Variants in SNX17 observed in about 807,000 individuals in gnomAD.
SNX17 encodes the protein sorting nexin-17.
Under a neutral mutation model 64.3 loss-of-function variants are expected in SNX17, and 35 were observed. The ratio of observed to expected loss-of-function variants is 0.54; its 90% CI spans 0.42 to 0.72. The LOEUF (loss-of-function observed/expected upper bound fraction) is 0.72, where lower values mean the gene tolerates loss of function less well. Ranked by LOEUF, SNX17 falls within the 30% of genes least tolerant of loss-of-function variation. The pLI is 0.00. For missense variants in SNX17, 538 were observed against 610.0 expected (o/e 0.88, Z 1.24); for synonymous variants, 259 against 230.2 (o/e 1.13, Z -1.13).
At chr2:27,372,251 A>G (rs573423058) in intron 2 of SNX17, among the ~76,000 whole-genome samples, 1 of 152,340 alleles carries the variant, frequency 6.6e-6, no homozygotes, top group East Asian at 1.9e-4. Flanking sequence ...TTTAAGTCCT[A>G]AGATATTTTG....
At chr2:27,373,109 G>A in intron 3 of SNX17, 138 bp from the exon 4 acceptor site, 2 of 1,578,486 alleles carry the variant, frequency 1.3e-6, no homozygotes, top group South Asian at 2.3e-5. Context: ...CAAACAGTGA[G>A]TGAGGTGAGG....
Position 27,376,377 on chromosome 2 carries a change from C to G in SNX17, c.1247C>G (p.Pro416Arg). 6.2e-7 allele frequency: 1 copy of G among 1,613,856 alleles called. No homozygotes were observed. The highest frequency in any genetic ancestry group is 8.5e-7 in the Non-Finnish European group (1 of 1,179,862). The change falls in exon 13 of 15, where the codon CCA becomes CGA. Residue 416 changes from proline (P) to arginine (R), a missense_variant. Transcript: ENST00000233575. ...GACAGCCAGCAAGCAGTGAAGTCCC[C>G]ACCACTGCTTGTAAGTATTACCTCC... ...RSDSQQAVKSPPLLESPDATR... is the reference protein window; with the variant it reads ...RSDSQQAVKSRPLLESPDATR...
chr2:27,371,462 C>G, intron 2 of SNX17, 119 bp downstream of exon 2: 1 of 1,442,714 alleles, frequency 6.9e-7, no homozygotes, highest in South Asian at 1.4e-5. Flanking sequence ...TTAATCACTG[C>G]CACAGGGTAG....
At chr2:27,372,091 C>T (rs949892506) in intron 2 of SNX17, among the ~76,000 whole-genome samples, 10 of 152,146 alleles carry the variant, frequency 6.6e-5, no homozygotes, top group African/African-American at 2.2e-4. Context: ...ACTATGTTGG[C>T]CAGGCTGGTC....
At position 27,370,657 on chromosome 2, in the gene SNX17, G is replaced by T; in HGVS notation, c.-87G>T. 6.8e-7 allele frequency: 1 copy of T among 1,472,582 alleles called. No individual in the cohort carries two copies. The allele number at this position is 1,472,582 out of a possible 1,614,324, so 91.2% of individuals were successfully genotyped here. On this transcript the variant is annotated 5_prime_UTR_variant, in exon 1 of 15. Transcript: ENST00000233575. ...TCCCAAAATGGCGAGTGAGGCTGCG[G>T]GGACTCGCTGAGCAGCGGAGGGGGA...
At chr2:27,374,892 A>C in intron 8 of SNX17, 134 bp downstream of exon 8, 1 of 978,244 alleles carries the variant, frequency 1.0e-6, no homozygotes, top group South Asian at 1.4e-5. Flanking sequence ...TGCTGCTGGC[A>C]CAATATCTAC....
chr2:27,375,859 G>A lies in SNX17; in HGVS notation c.992G>A (p.Ser331Asn), dbSNP rs775379514. 4 of 1,614,000 alleles carry A rather than the reference G, an allele frequency of 2.5e-6. No homozygotes were observed. In the African/African-American group the frequency reaches 5.3e-5, roughly 22 times the overall value. ...TTCCTCTCCCAGGTACCATTGCCCA[G>A]TGGAAGCACGAGCAGCCCAGGCCGG... ...WRVTSSVPLPSGSTSSPGRGR... is the reference protein window; with the variant it reads ...WRVTSSVPLPNGSTSSPGRGR... The change falls in exon 11 of 15, where the codon AGT becomes AAT. Residue 331 changes from serine (S) to asparagine (N), a missense_variant. Ser to Asn is a conservative substitution (Grantham distance 46). Coordinates refer to ENST00000233575, the MANE Select transcript of SNX17 (RefSeq NM_014748.4). The surrounding 1 kb of genome is among the most constrained non-coding windows in gnomAD (Gnocchi z 4.1).
chr2:27,375,273 G>A lies in SNX17; in HGVS notation c.774+120G>A. ...CCCGCCTCAGCCTCCCGAGTAGCTG[G>A]GACTACAGGCACCCGCCACGACGCC... On this transcript the variant is annotated intron_variant, in intron 9 of 14. Transcript: ENST00000233575. The surrounding 1 kb of genome is among the most constrained non-coding windows in gnomAD (Gnocchi z 4.1). 2 of 988,434 alleles carry A rather than the reference G, an allele frequency of 2.0e-6. No homozygotes were observed. The highest frequency in any genetic ancestry group is 3.0e-6 in the Non-Finnish European group (2 of 666,018). 61.2% of individuals were successfully genotyped at this position (988,434 alleles called of 1,614,324 possible). A position where few individuals can be genotyped will look rare whatever the true frequency, so the allele number is the denominator to read the frequency against.
intron 1 of SNX17, 54 bp from the exon 2 acceptor site, chr2:27,371,215 G>A: frequency 6.6e-7 from 1 of 1,524,950 alleles, no homozygotes; most frequent in Non-Finnish European, 9.1e-7. Flanking sequence ...AGGGTTCTCA[G>A]GGGGGTTGCG....
At chr2:27,371,107 G>A (rs1187656419) in intron 1 of SNX17, among the ~76,000 whole-genome samples, 162 bp from the exon 2 acceptor site, 2 of 152,250 alleles carry the variant, frequency 1.3e-5, no homozygotes, top group Non-Finnish European at 2.9e-5. Context: ...CCCCGGACTG[G>A]CTCTTCAGCT....
In SNX17 at chr2:27,376,166, G is replaced by A; in HGVS notation, c.1165G>A (p.Gly389Ser). Residue 389 changes from glycine to serine, a missense_variant, in exon 12 of 15, where the codon GGC (glycine) becomes AGC (serine). Coordinates refer to ENST00000233575, the MANE Select transcript of SNX17 (RefSeq NM_014748.4). ...TGATGAACTGATGGTGAAGAAATCTGGCGGCAGTATCAGGAAGGTAGGCAG... is the reference window on the plus strand; with the variant it reads ...TGATGAACTGATGGTGAAGAAATCTAGCGGCAGTATCAGGAAGGTAGGCAG... ...MVDELMVKKS[G>S]GSIRKMLRRR... 1.9e-6 allele frequency: 3 copies of A among 1,614,152 alleles called. No homozygotes were observed. The highest frequency in any genetic ancestry group is 2.5e-6 in the Non-Finnish European group (3 of 1,180,022).
chr2:27,370,794 C>T lies in SNX17; in HGVS notation c.51C>T (p.Gly17=), dbSNP rs1464583177. ...ETESRSGDSG[G]SAYVAYNIHV... is the part of the protein sequence containing the mutation. The stretch of plus-strand genomic sequence containing the variant: ...AGTCCCGCAGCGGGGACAGCGGCGG[C>T]TCCGCCTACGTGGTGAGGAGCGGCC... Residue 17 remains glycine (G), a synonymous_variant, in exon 1 of 15, where the codon GGC becomes GGT. Coordinates refer to ENST00000233575, the MANE Select transcript of SNX17 (RefSeq NM_014748.4). 2 of 1,545,188 alleles carry T rather than the reference C, an allele frequency of 1.3e-6. No individual in the cohort carries two copies. Among genetic ancestry groups the T allele is most frequent in the East Asian group, 2.4e-5 (1 of 40,918 alleles).
rs769049398 is a variant in SNX17 at position 27,375,691 on chromosome 2, C to T, written c.960C>T (p.Cys320=). 4 of 1,614,054 alleles carry T rather than the reference C, an allele frequency of 2.5e-6. No individual in the cohort carries two copies. The highest frequency in any genetic ancestry group is 3.3e-5 in the Admixed American group (2 of 60,018). Residue 320 remains cysteine, a synonymous_variant, in exon 10 of 15, where the codon TGC becomes TGT. Transcript: ENST00000233575. The surrounding 1 kb of genome is among the most constrained non-coding windows in gnomAD (Gnocchi z 4.1). The part of the protein sequence containing the change: ...EGSFRVTRMR[C]WRVTSSVPLP... ...CCTTCCGGGTCACCCGCATGCGATG[C>T]TGGCGGGTCACCTCCTCTGTGAGTC...
Position 27,371,350 on chromosome 2 carries a change from C to G in SNX17, c.138+7C>G. The G allele has an allele frequency of 6.2e-7, 1 of 1,609,228 alleles. No individual in the cohort carries two copies. Reference sequence around the variant, plus strand: ...CCTGGGGCTGCACGAGCAGGTGGGACTAGCACCCCTGCCTTGAGACAGCTT... The same window carrying G: ...CCTGGGGCTGCACGAGCAGGTGGGAGTAGCACCCCTGCCTTGAGACAGCTT... On this transcript the variant is annotated splice_region_variant and intron_variant, in intron 2 of 14. Coordinates refer to ENST00000233575, the MANE Select transcript of SNX17 (RefSeq NM_014748.4).
intron 6 of SNX17, 22 bp from the exon 7 acceptor site, chr2:27,374,324 T>A: frequency 3.1e-6 from 1 of 325,550 alleles, no homozygotes; most frequent in Non-Finnish European, 4.8e-6. Context: ...TATATTTTCA[T>A]TTTTTTTTTT....
At chr2:27,373,639 G>A (rs181480858) in intron 4 of SNX17, among the ~76,000 whole-genome samples, 7 of 152,226 alleles carry the variant, frequency 4.6e-5, no homozygotes, top group Admixed American at 1.3e-4. Flanking sequence ...CTGGGATTAC[G>A]GGTGTGAGCC....
At chr2:27,370,989 C>T (rs1427763601) in intron 1 of SNX17, among the ~76,000 whole-genome samples, 183 bp downstream of exon 1, 1 of 152,216 alleles carries the variant, frequency 6.6e-6, no homozygotes, top group Non-Finnish European at 1.5e-5. Context: ...CGCCCGAGCT[C>T]CTGTAGGCCC....
chr2:27,374,981 C>A, intron 8 of SNX17, 80 bp from the exon 9 acceptor site: 1 of 1,332,502 alleles, frequency 7.5e-7, no homozygotes, highest in Non-Finnish European at 1.1e-6. Flanking sequence ...AGGGGTCAGG[C>A]TGGACAGAGG....
At position 27,372,725 on chromosome 2, in the gene SNX17, A is replaced by G. The variant is rs747267328; in HGVS notation, c.241A>G (p.Lys81Glu). ...EVEQRREQLE[K>E]YMQAVRQDPL... ...AGAACAGAGGAGAGAGCAGTTAGAGAAGTACATGCAAGCTGGTGAGTGGTT... is the reference window on the plus strand; with the variant it reads ...AGAACAGAGGAGAGAGCAGTTAGAGGAGTACATGCAAGCTGGTGAGTGGTT... The change falls in exon 3 of 15, where the codon AAG becomes GAG. Residue 81 changes from lysine to glutamate, a missense_variant. Around this residue, in one of 3 missense-constraint regions of SNX17, gnomAD observed 505 missense variants for 550.4 expected, o/e 0.92. Transcript: ENST00000233575. 3 of 1,614,190 alleles carry G rather than the reference A, an allele frequency of 1.9e-6. No individual in the cohort carries two copies. In the South Asian group the frequency reaches 3.3e-5, roughly 18 times the overall value.
Sources: allele counts gnomAD v4.1 joint callset (sites outside exome capture counted in the v4.1 genomes callset), GRCh38; gene constraint gnomAD v4.1.1; regional missense constraint gnomAD v4.1.1; non-coding constraint Gnocchi (gnomAD v3.1); transcripts MANE v1.5; gene names NCBI Gene and HGNC (gene_info 2026-07-23, HGNC 2026-07-21).